Variants in ARHGAP22 observed in about 807,000 individuals in gnomAD.
The protein encoded by ARHGAP22 is rho GTPase-activating protein 22.
Under a neutral mutation model 59.1 loss-of-function variants are expected in ARHGAP22, and 48 were observed. The ratio of observed to expected loss-of-function variants is 0.81; its 90% CI spans 0.64 to 1.03. The LOEUF (loss-of-function observed/expected upper bound fraction) is 1.03. ARHGAP22 is among the 50% of genes least tolerant of loss of function. The pLI is 0.00. For synonymous variants in ARHGAP22, 445 were observed against 416.4 expected (o/e 1.07, Z -0.84); for missense variants, 1,015 against 958.7 (o/e 1.06, Z -0.78).
chr10:48,437,789 C>T, the ARHGAP22 span: 1 of 152,222 alleles, frequency 6.6e-6, no homozygotes, highest in Non-Finnish European at 1.5e-5. Context: ...AAACACCAGC[C>T]TCTTAAATCA....
chr10:48,610,238 C>A (rs566931421), intron 1 of ARHGAP22, among the ~76,000 whole-genome samples: 2 of 152,362 alleles, frequency 1.3e-5, no homozygotes, highest in East Asian at 3.9e-4. Context: ...AAAGCCTGGA[C>A]TTCTACCTAT....
Position 48,454,263 on chromosome 10 carries a change from G to A in ARHGAP22, c.793-102C>T, listed in dbSNP as rs569849785. On this transcript the variant is annotated intron_variant, in intron 6 of 9. Coordinates refer to ENST00000249601, the MANE Select transcript of ARHGAP22 (RefSeq NM_021226.4). ...CAAAGAGAAGGGAGGTGGGGGCTAC[G>A]GCAGCCCAGCCCCAACAGACCAGAG... 86 of 1,085,082 alleles carry A rather than the reference G, an allele frequency of 7.9e-5. No individual in the cohort carries two copies. The African/African-American group carries it at 9.1e-4, about 12-fold the overall frequency. 67.2% of individuals were successfully genotyped at this position (1,085,082 alleles called of 1,614,324 possible). A position where few individuals can be genotyped will look rare whatever the true frequency, so the allele number is the denominator to read the frequency against.
chr10:48,558,201 T>C (rs1202947495), intron 2 of ARHGAP22, among the ~76,000 whole-genome samples: 1 of 152,198 alleles, frequency 6.6e-6, no homozygotes, highest in Non-Finnish European at 1.5e-5. Flanking sequence ...ATGGATGCAA[T>C]GGATGTCAGT....
At chr10:48,454,313 C>T in intron 6 of ARHGAP22, 152 bp from the exon 7 acceptor site, 1 of 711,510 alleles carries the variant, frequency 1.4e-6, no homozygotes, top group South Asian at 1.7e-5. Context: ...CACCTCCCCT[C>T]AAGGAGTGGC....
In ARHGAP22 at chr10:48,558,490, T is replaced by C. The variant is rs2057467736; in HGVS notation, c.235-2940A>G. Among the ~76,000 whole-genome samples, 6 of 152,212 alleles carry C rather than the reference T, an allele frequency of 3.9e-5. No homozygotes were observed. The South Asian group carries it at 1.2e-3, about 32-fold the overall frequency. On this transcript the variant is annotated intron_variant, in intron 2 of 9. Transcript: ENST00000249601. ...TGAGCCTCCCACCTCGACCTCTATT[T>C]GGGACCATAGGTGTATGCCACCATG...
intron 1 of ARHGAP22, among the ~76,000 whole-genome samples, chr10:48,637,074 G>T (rs1640540976): frequency 6.6e-6 from 1 of 152,158 alleles, no homozygotes; most frequent in South Asian, 2.1e-4. Flanking sequence ...ACACATTGCT[G>T]CCATCCCTGC....
At chr10:48,469,052 G>A (rs1265845150) in intron 4 of ARHGAP22, among the ~76,000 whole-genome samples, 4 of 152,214 alleles carry the variant, frequency 2.6e-5, no homozygotes, top group African/African-American at 4.8e-5. Flanking sequence ...ACCAGGGGCC[G>A]GCAGGCTTCT....
chr10:48,608,765 G>A (rs1226028677), upstream of ARHGAP22, among the ~76,000 whole-genome samples: 2 of 152,158 alleles, frequency 1.3e-5, no homozygotes, highest in Admixed American at 1.3e-4. Context: ...ATAACTGATT[G>A]TTAAATTTTC....
At chr10:48,594,239 G>A (rs2059933848) in intron 1 of ARHGAP22, among the ~76,000 whole-genome samples, 1 of 152,212 alleles carries the variant, frequency 6.6e-6, no homozygotes, top group Admixed American at 6.5e-5. Flanking sequence ...CCAGGATGCT[G>A]GTGGAAGCCT....
rs189283804 is a variant in ARHGAP22, at chr10:48,642,784, C to T, written c.52+9450G>A. The stretch of plus-strand genomic sequence containing the variant: ...GCTCCTGCACAGCAAAAGAAACTAC[C>T]GTCAGAATGAACAGGCAACCTACAG... On this transcript the variant is annotated intron_variant, in intron 1 of 9. Coordinates refer to the ARHGAP22 transcript ENST00000435790. Among the ~76,000 whole-genome samples the T allele has an allele frequency of 2.7e-3, 417 of 152,192 alleles. 5 individuals are homozygous for T. The highest frequency in any genetic ancestry group is 0.023 in the Admixed American group (346 of 15,278).
rs2053606911 is a variant in ARHGAP22 at position 48,519,496 on chromosome 10, G to A, written c.322+35967C>T. Among the ~76,000 whole-genome samples the A allele has an allele frequency of 1.3e-5, 2 of 152,242 alleles. 1 individual carries two copies. The highest frequency in any genetic ancestry group is 4.1e-4 in the South Asian group (2 of 4,832). ...GTGTTGGGTAACCCAACAATAGGCT[G>A]GGGCCAGCCAGCAGGTGAGCTCAAT... is the stretch of plus-strand genomic sequence containing the variant. On this transcript the variant is annotated intron_variant, in intron 3 of 9. Coordinates refer to ENST00000249601, the MANE Select transcript of ARHGAP22 (RefSeq NM_021226.4).
chr10:48,564,432 C>G (rs2057915495), intron 2 of ARHGAP22, among the ~76,000 whole-genome samples: 1 of 152,210 alleles, frequency 6.6e-6, no homozygotes, highest in Non-Finnish European at 1.5e-5. Flanking sequence ...CCAGAGCCCA[C>G]AAGTTACATG....
chr10:48,543,737 G>A (rs931440493), intron 3 of ARHGAP22, among the ~76,000 whole-genome samples: 3 of 152,078 alleles, frequency 2.0e-5, no homozygotes, highest in African/African-American at 7.2e-5. Context: ...ATGATTATTA[G>A]ATTTTTTGTT....
At chr10:48,509,677 C>T (rs1827480403) in intron 3 of ARHGAP22, among the ~76,000 whole-genome samples, 1 of 152,122 alleles carries the variant, frequency 6.6e-6, no homozygotes, top group Admixed American at 6.5e-5. Context: ...ACAGCCCCAT[C>T]CTCCCCACTA....
At chr10:48,561,531 C>A (rs1413295491) in intron 2 of ARHGAP22, among the ~76,000 whole-genome samples, 2 of 151,988 alleles carry the variant, frequency 1.3e-5, no homozygotes, top group Non-Finnish European at 2.9e-5. Flanking sequence ...TTTTCAAACA[C>A]ATTAAGAGAG....
chr10:48,446,519 G>T lies in ARHGAP22; in HGVS notation c.1969C>A (p.Arg657=). Residue 657 remains arginine (R), a synonymous_variant, in exon 10 of 10, where the codon CGG becomes AGG. Coordinates refer to ENST00000249601, the MANE Select transcript of ARHGAP22 (RefSeq NM_021226.4). ...KKYIMLEIKL[R]NSERAREDAE... Reference sequence around the variant, plus strand: ...TCCTCCCGCGCCCGTTCAGAGTTCCGCAGCTTTATTTCCAGCATGATGTAT... The same window carrying T: ...TCCTCCCGCGCCCGTTCAGAGTTCCTCAGCTTTATTTCCAGCATGATGTAT... 1.2e-6 allele frequency: 2 copies of T among 1,614,182 alleles called. No individual in the cohort carries two copies. Among genetic ancestry groups the T allele is most frequent in the Non-Finnish European group, 1.7e-6 (2 of 1,180,032 alleles).
intron 3 of ARHGAP22, among the ~76,000 whole-genome samples, chr10:48,530,730 C>G (rs1238069721): frequency 6.6e-6 from 1 of 152,188 alleles, no homozygotes; most frequent in Non-Finnish European, 1.5e-5. Flanking sequence ...TACCACCTTA[C>G]TCTCACAAGA....
intron 2 of ARHGAP22, among the ~76,000 whole-genome samples, chr10:48,557,749 C>T (rs987352841): frequency 1.3e-5 from 2 of 152,228 alleles, no homozygotes; most frequent in African/African-American, 2.4e-5. Flanking sequence ...CCAGTGTGCC[C>T]CCCACCACTG....
chr10:48,481,292 C>A (rs2049293720), intron 3 of ARHGAP22, among the ~76,000 whole-genome samples: 1 of 152,144 alleles, frequency 6.6e-6, no homozygotes, highest in African/African-American at 2.4e-5. Flanking sequence ...TGCTGCACAG[C>A]ATTTGGGCTA....
Sources: allele counts gnomAD v4.1 joint callset (sites outside exome capture counted in the v4.1 genomes callset), GRCh38; gene constraint gnomAD v4.1.1; transcripts MANE v1.5; gene names NCBI Gene and HGNC (gene_info 2026-07-23, HGNC 2026-07-21).